Variants in TMEM39A observed in about 807,000 individuals in gnomAD.
The protein encoded by TMEM39A is transmembrane protein 39A.
TMEM39A carries 19 observed loss-of-function variants against 51.9 expected under a neutral mutation model. That is an observed-to-expected ratio of 0.37 (90% confidence interval 0.26 to 0.54). TMEM39A has a LOEUF of 0.54. Ranked by LOEUF, TMEM39A falls within the 20% of genes least tolerant of loss-of-function variation. The pLI, the probability that TMEM39A is intolerant of heterozygous loss-of-function variation, is 0.88. For missense variants in TMEM39A, 433 were observed against 590.5 expected, an observed-to-expected ratio of 0.73 and a Z score of 2.76; for synonymous variants, 197 against 220.2, an observed-to-expected ratio of 0.89 and a Z score of 0.93.
In TMEM39A at chr3:119,430,935, G is replaced by A. The variant is rs2080890245; in HGVS notation, c.*1046C>T. On this transcript the variant is annotated 3_prime_UTR_variant, in exon 9 of 9. Coordinates refer to ENST00000319172, the MANE Select transcript of TMEM39A (RefSeq NM_018266.3). The stretch of plus-strand genomic sequence containing the variant: ...TTAGATGACAAGTGACAACATCAAT[G>A]GACTAAGTATATCACCTCCCATAAC... 1 of 152,066 alleles carries A rather than the reference G, an allele frequency of 6.6e-6. No individual in the cohort carries two copies. The highest frequency in any genetic ancestry group is 1.5e-5 in the Non-Finnish European group (1 of 67,984). 9.4% of individuals were successfully genotyped at this position (152,066 alleles called of 1,614,324 possible). A position where few individuals can be genotyped will look rare whatever the true frequency, so the allele number is the denominator to read the frequency against.
chr3:119,439,312 C>T (rs760860083), intron 5 of TMEM39A, among the ~76,000 whole-genome samples: 2 of 152,088 alleles, frequency 1.3e-5, no homozygotes, highest in Non-Finnish European at 2.9e-5. Context: ...CAGGGACAGT[C>T]CCTCATGCCT....
intron 3 of TMEM39A, among the ~76,000 whole-genome samples, chr3:119,456,559 TAAGAC>T: frequency 6.6e-6 from 1 of 152,356 alleles, no homozygotes; most frequent in Middle Eastern, 3.4e-3. Flanking sequence ...AACACATATA[TAAGAC>T]AATAGTCTTC....
chr3:119,462,257 G>A (rs75026417), intron 1 of TMEM39A, 109 bp from the exon 2 acceptor site: 2 of 558,218 alleles, frequency 3.6e-6, no homozygotes, highest in East Asian at 3.1e-5. Context: ...ATTTTCAAAC[G>A]AATGTTCCCA....
chr3:119,444,416 A>G (rs979155102), intron 5 of TMEM39A, among the ~76,000 whole-genome samples: 2 of 152,226 alleles, frequency 1.3e-5, no homozygotes, highest in Non-Finnish European at 2.9e-5. Context: ...AAATGTTCGT[A>G]ACAGATAATT....
In TMEM39A at chr3:119,438,001, T is replaced by C. The variant is rs755627635; in HGVS notation, c.678A>G (p.Glu226=). ...CCAAGCCTCCCACAGTCGAGGCACT[T>C]TCCTCTACTGCCTCGTGCTGAACCA... ...NYVVQHEAVE[E]SASTVGGLAK... Residue 226 remains glutamate (E), a synonymous_variant, in exon 6 of 9, where the codon GAA becomes GAG. Coordinates refer to ENST00000319172, the MANE Select transcript of TMEM39A (RefSeq NM_018266.3). The C allele has an allele frequency of 2.5e-6, 4 of 1,614,168 alleles. No homozygotes were observed. In the South Asian group the frequency reaches 3.3e-5, roughly 13 times the overall value.
intron 4 of TMEM39A, among the ~76,000 whole-genome samples, chr3:119,447,883 G>C (rs1007784907): frequency 6.6e-6 from 1 of 152,128 alleles, no homozygotes; most frequent in Non-Finnish European, 1.5e-5. Flanking sequence ...CCAAAGTGCT[G>C]GGATTACAGG....
At chr3:119,448,751 C>A (rs565217954) in intron 4 of TMEM39A, among the ~76,000 whole-genome samples, 1 of 151,616 alleles carries the variant, frequency 6.6e-6, no homozygotes, top group South Asian at 2.1e-4. Context: ...ACTCTATTAC[C>A]TCCTTCTCAA....
chr3:119,461,036 A>G (rs922461711), intron 2 of TMEM39A, among the ~76,000 whole-genome samples: 1 of 152,224 alleles, frequency 6.6e-6, no homozygotes, highest in African/African-American at 2.4e-5. Context: ...TACTTCATTT[A>G]TTTCAACATC....
At chr3:119,456,973 CTTT>C (rs35937230) in intron 3 of TMEM39A, among the ~76,000 whole-genome samples, 6 of 140,622 alleles carry the variant, frequency 4.3e-5, no homozygotes, top group African/African-American at 5.2e-5. Context: ...TCATGGTACT[CTTT>C]TTTTTTTTTT....
intron 4 of TMEM39A, among the ~76,000 whole-genome samples, chr3:119,447,547 G>T (rs1240183735): frequency 6.6e-6 from 1 of 152,128 alleles, no homozygotes; most frequent in Non-Finnish European, 1.5e-5. Flanking sequence ...CTCTCAAGGG[G>T]TAAGGAATAA....
chr3:119,439,891 C>T (rs375854153), intron 5 of TMEM39A, among the ~76,000 whole-genome samples: 1 of 152,042 alleles, frequency 6.6e-6, no homozygotes, highest in Non-Finnish European at 1.5e-5. Context: ...CCTCAGCCTC[C>T]TAAGTAGCTA....
intron 4 of TMEM39A, among the ~76,000 whole-genome samples, chr3:119,451,589 G>A (rs779362022): frequency 2.0e-5 from 3 of 152,078 alleles, no homozygotes; most frequent in African/African-American, 7.2e-5. Flanking sequence ...CCAGCACTTC[G>A]GGAGGCCGAG....
rs79115470 is a variant in TMEM39A, at chr3:119,432,759, A to C, written c.1234-545T>G. Among the ~76,000 whole-genome samples, 19 of 152,250 alleles carry C rather than the reference A, an allele frequency of 1.2e-4. No individual in the cohort carries two copies. In the East Asian group the frequency reaches 3.7e-3, roughly 29 times the overall value. On this transcript the variant is annotated intron_variant, in intron 8 of 8. Transcript: ENST00000319172. Reference sequence around the variant, plus strand: ...TCAAATATGAATACAATAGTTTCTTAGTTTTTCCTTAAACTGTTTACCCAC... The same window carrying C: ...TCAAATATGAATACAATAGTTTCTTCGTTTTTCCTTAAACTGTTTACCCAC...
chr3:119,450,758 G>T (rs2081186992), intron 4 of TMEM39A, among the ~76,000 whole-genome samples: 1 of 132,142 alleles, frequency 7.6e-6, no homozygotes, highest in South Asian at 2.5e-4. Context: ...GGAAGCAGAG[G>T]TTGCATGAGC....
rs541510595 is a variant in TMEM39A, at chr3:119,458,300, A to C, written c.114-60T>G. The C allele has an allele frequency of 9.7e-5, 141 of 1,453,544 alleles. 4 individuals are homozygous for C. In the South Asian group the frequency reaches 1.6e-3, roughly 17 times the overall value. The allele number at this position is 1,453,544 out of a possible 1,614,324, so 90.0% of individuals were successfully genotyped here. ...ATAACCTCCAGTATCACAGAACATAAAGGGCTCCTGCTGTCTCCTCCATCT... is the reference window on the plus strand; with the variant it reads ...ATAACCTCCAGTATCACAGAACATACAGGGCTCCTGCTGTCTCCTCCATCT... On this transcript the variant is annotated intron_variant, in intron 2 of 8. Coordinates refer to ENST00000319172, the MANE Select transcript of TMEM39A (RefSeq NM_018266.3).
chr3:119,432,838 A>T (rs1173690991), intron 8 of TMEM39A, among the ~76,000 whole-genome samples: 1 of 152,046 alleles, frequency 6.6e-6, no homozygotes, highest in Non-Finnish European at 1.5e-5. Flanking sequence ...TTAATTACTG[A>T]TTTTTTTCTG....
intron 6 of TMEM39A, 80 bp from the exon 7 acceptor site, chr3:119,437,058 G>A: frequency 7.6e-7 from 1 of 1,312,538 alleles, no homozygotes; most frequent in Non-Finnish European, 1.1e-6. Context: ...CATATGCCCT[G>A]CAGACAAATG....
At chr3:119,454,765 C>T (rs933645657) in intron 3 of TMEM39A, among the ~76,000 whole-genome samples, 1 of 151,988 alleles carries the variant, frequency 6.6e-6, no homozygotes, top group African/African-American at 2.4e-5. Flanking sequence ...CTCCAGCCTG[C>T]TGACAGAGCC....
At position 119,463,582 on chromosome 3, in the gene TMEM39A, G is replaced by C. The variant is rs1435026064; in HGVS notation, c.-321C>G. On this transcript the variant is annotated 5_prime_UTR_variant, in exon 1 of 9. Coordinates refer to ENST00000319172, the MANE Select transcript of TMEM39A (RefSeq NM_018266.3). ...GCTAGAGCCAGAGCCTGATACTTCAGCACCCATCCCTAGCCTCCATTACCG... is the reference window on the plus strand; with the variant it reads ...GCTAGAGCCAGAGCCTGATACTTCACCACCCATCCCTAGCCTCCATTACCG... The C allele has an allele frequency of 2.5e-6, 1 of 398,696 alleles. No individual in the cohort carries two copies. Among genetic ancestry groups the C allele is most frequent in the Non-Finnish European group, 4.4e-6 (1 of 226,200 alleles). The allele number at this position is 398,696 out of a possible 1,614,324, so 24.7% of individuals were successfully genotyped here.
Sources: allele counts gnomAD v4.1 joint callset (sites outside exome capture counted in the v4.1 genomes callset), GRCh38; gene constraint gnomAD v4.1.1; transcripts MANE v1.5; gene names NCBI Gene and HGNC (gene_info 2026-07-23, HGNC 2026-07-21).